The following PGGHG variants were observed in gnomAD, a reference collection of about 807,000 sequenced individuals.
PGGHG encodes the protein ATH1, acid trehalase-like 1.
A neutral mutation model predicts 74.5 loss-of-function variants in PGGHG; 67 were observed. The observed-to-expected ratio is 0.90, with a 90% CI of 0.74 to 1.10. The LOEUF (loss-of-function observed/expected upper bound fraction) is 1.10. Among genes scored for constraint, PGGHG ranks in the 50% least tolerant of loss-of-function variants. The pLI, the probability that PGGHG is intolerant of heterozygous loss-of-function variation, is 0.00. For missense variants in PGGHG, 1,034 were observed against 981.5 expected (o/e 1.05, Z -0.72); for synonymous variants, 496 against 419.9 (o/e 1.18, Z -2.21).
At position 292,648 on chromosome 11, in the gene PGGHG, G is replaced by T. The variant is rs753557852; in HGVS notation, c.1129G>T (p.Ala377Ser). ...EVHVNGAVVL[A>S]FELYYHTTQD... is the part of the protein sequence containing the mutation. Reference sequence around the variant, plus strand: ...CCACGTCAACGGGGCCGTGGTGTTGGCCTTCGAGCTGTACTACCATACCAC... The same window carrying T: ...CCACGTCAACGGGGCCGTGGTGTTGTCCTTCGAGCTGTACTACCATACCAC... Residue 377 changes from alanine to serine, a missense_variant, in exon 6 of 14, where the codon GCC becomes TCC. Coordinates refer to ENST00000409548, the MANE Select transcript of PGGHG (RefSeq NM_025092.5). 3.7e-6 allele frequency: 6 copies of T among 1,613,802 alleles called. No individual in the cohort carries two copies. The South Asian group carries it at 6.6e-5, about 18-fold the overall frequency.
chr11:292,470 G>A, intron 5 of PGGHG, 76 bp from the exon 6 acceptor site: 2 of 1,571,286 alleles, frequency 1.3e-6, no homozygotes, highest in South Asian at 1.1e-5. Flanking sequence ...CCTCCTCCAG[G>A]GCGAGGGCAC....
In PGGHG at chr11:290,452, C is replaced by T. The variant is rs772153637; in HGVS notation, c.322C>T (p.Arg108Cys). 6 of 1,549,392 alleles carry T rather than the reference C, an allele frequency of 3.9e-6. No individual in the cohort carries two copies. The highest frequency in any genetic ancestry group is 2.7e-5 in the African/African-American group (2 of 73,002). ...FRASQCIYAH[R>C]TLPHVLAFRV... ...GGCCTCCCAGTGCATCTATGCGCAT[C>T]GCACGCTGCCCCACGTGCTGGCTTT... The change falls in exon 3 of 14, where the codon CGC (arginine) becomes TGC (cysteine). Residue 108 changes from arginine (R) to cysteine (C), a missense_variant. Transcript: ENST00000409548.
At chr11:292,774 A>G in intron 6 of PGGHG, 97 bp downstream of exon 6, 1 of 1,607,106 alleles carries the variant, frequency 6.2e-7, no homozygotes. Context: ...GGTCCTGGGA[A>G]GCTGGCTGAG....
chr11:293,174 C>G lies in PGGHG; in HGVS notation c.1282C>G (p.Pro428Ala). ...ACTTGTGTGTCCAGGAGTCATGTCC[C>G]CCGACGAGTACCATTCAGGGGTCAA... ...EKYHLRGVMS[P>A]DEYHSGVNNS... Residue 428 changes from proline to alanine, a missense_variant, in exon 8 of 14, where the codon CCC becomes GCC. Transcript: ENST00000409548. 6.2e-7 allele frequency: 1 copy of G among 1,613,904 alleles called. No homozygotes were observed. The highest frequency in any genetic ancestry group is 8.5e-7 in the Non-Finnish European group (1 of 1,180,000).
chr11:295,015 A>C lies in PGGHG; in HGVS notation c.*266A>C. ...TGATGCTATCGCGCACCGTCCCACG[A>C]CCCCACCCCGAGCTCCTGAAGCCGG... On this transcript the variant is annotated 3_prime_UTR_variant, in exon 14 of 14. Coordinates refer to ENST00000409548, the MANE Select transcript of PGGHG (RefSeq NM_025092.5). The C allele has an allele frequency of 2.8e-6, 1 of 351,392 alleles. No homozygotes were observed. The highest frequency in any genetic ancestry group is 1.0e-4 in the South Asian group (1 of 9,868). The allele number at this position is 351,392 out of a possible 1,614,324, so 21.8% of individuals were successfully genotyped here.
chr11:293,722 A>T lies in PGGHG; in HGVS notation c.1609A>T (p.Thr537Ser). 6.2e-7 allele frequency: 1 copy of T among 1,613,312 alleles called. No individual in the cohort carries two copies. ...GACGTCCCCCCAGGGCCCCGCCATGACCTGGGTGAGCACCCTGGGGCTGTG... is the reference window on the plus strand; with the variant it reads ...GACGTCCCCCCAGGGCCCCGCCATGTCCTGGGTGAGCACCCTGGGGCTGTG... Reference protein sequence around the residue: ...AVTSPQGPAMTWSMFAVGWME... With the variant: ...AVTSPQGPAMSWSMFAVGWME... The change falls in exon 10 of 14, where the codon ACC (threonine) becomes TCC (serine). Residue 537 changes from threonine to serine, a missense_variant. By Grantham distance (58) the Thr-to-Ser change is moderately conservative. Coordinates refer to ENST00000409548, the MANE Select transcript of PGGHG (RefSeq NM_025092.5).
chr11:289,643 C>T lies in PGGHG; in HGVS notation c.-13-161C>T. 1.1e-6 allele frequency: 1 copy of T among 894,270 alleles called. No individual in the cohort carries two copies. The highest frequency in any genetic ancestry group is 1.6e-6 in the Non-Finnish European group (1 of 608,652). 55.4% of individuals were successfully genotyped at this position (894,270 alleles called of 1,614,324 possible). ...CCCCTCTGAGAGTCGAGCTCCTTTC[C>T]TGCGAGGCCCCGTCTAGGAGGGGCC... On this transcript the variant is annotated intron_variant, in intron 1 of 13. Coordinates refer to ENST00000409548, the MANE Select transcript of PGGHG (RefSeq NM_025092.5). The surrounding 1 kb of genome is among the most constrained non-coding windows in gnomAD (Gnocchi z 5.6).
Position 289,564 on chromosome 11 carries a change from A to G in PGGHG, c.-13-240A>G. 1.8e-6 allele frequency: 1 copy of G among 555,316 alleles called. No individual in the cohort carries two copies. Among genetic ancestry groups the G allele is most frequent in the Non-Finnish European group, 3.2e-6 (1 of 316,642 alleles). The allele number at this position is 555,316 out of a possible 1,614,324, so 34.4% of individuals were successfully genotyped here. A position where few individuals can be genotyped will look rare whatever the true frequency, so the allele number is the denominator to read the frequency against. On this transcript the variant is annotated intron_variant, in intron 1 of 13. Transcript: ENST00000409548. The surrounding 1 kb of genome is among the most constrained non-coding windows in gnomAD (Gnocchi z 5.6). ...GGAATTCTAAGGTAGCAGGAGGGAG[A>G]GACACACTCAGGGGCTCAGCTGGGT...
chr11:291,551 A>ATC, intron 4 of PGGHG: 1 of 259,124 alleles, frequency 3.9e-6, no homozygotes, highest in South Asian at 5.5e-5. Context: ...GAGGGCACAG[A>ATC]GCGGAGGGGC....
In PGGHG at chr11:292,106, C is replaced by G. The variant is rs375841341; in HGVS notation, c.1026+11C>G. The G allele has an allele frequency of 2.8e-4, 434 of 1,545,790 alleles. No individual in the cohort carries two copies. The highest frequency in any genetic ancestry group is 3.6e-4 in the Non-Finnish European group (410 of 1,145,572). On this transcript the variant is annotated intron_variant, in intron 5 of 13. Transcript: ENST00000409548. ...AACCTGGGCTACCAGGTGAGGGGACCTGGGGCACTGGCCCGTAGGGCCCTG... is the reference window on the plus strand; with the variant it reads ...AACCTGGGCTACCAGGTGAGGGGACGTGGGGCACTGGCCCGTAGGGCCCTG...
chr11:292,543 CAG>C lies in PGGHG; in HGVS notation c.1027-2_1027-1del. 1 of 1,613,146 alleles carries C rather than the reference CAG, an allele frequency of 6.2e-7. No homozygotes were observed. The highest frequency in any genetic ancestry group is 8.5e-7 in the Non-Finnish European group (1 of 1,179,810). ...TCAAGTCTGCCCCCTCCCAACCCCT[CAG>C]GGAGCCAAGTTTGCCTGGGAGAGTG... On this transcript the variant is annotated splice_acceptor_variant, in intron 5 of 13. Coordinates refer to ENST00000409548, the MANE Select transcript of PGGHG (RefSeq NM_025092.5). LOFTEE classifies it high-confidence loss of function.
intron 3 of PGGHG, 22 bp from the exon 4 acceptor site, chr11:290,656 A>T (rs1253619983): frequency 6.2e-7 from 1 of 1,609,904 alleles, no homozygotes. Flanking sequence ...CTCATCCCTG[A>T]GGCATGGCCA....
rs991376085 is a variant in PGGHG at position 295,002 on chromosome 11, G to T, written c.*253G>T. On this transcript the variant is annotated 3_prime_UTR_variant, in exon 14 of 14. Coordinates refer to ENST00000409548, the MANE Select transcript of PGGHG (RefSeq NM_025092.5). ...TGCCCCTGTGGACTGATGCTATCGC[G>T]CACCGTCCCACGACCCCACCCCGAG... The T allele has an allele frequency of 2.3e-5, 10 of 429,168 alleles. No individual in the cohort carries two copies. Among genetic ancestry groups the T allele is most frequent in the Non-Finnish European group, 4.1e-5 (10 of 244,084 alleles). 26.6% of individuals were successfully genotyped at this position (429,168 alleles called of 1,614,324 possible).
At chr11:294,507 C>T (rs779456723) in intron 13 of PGGHG, 29 bp downstream of exon 13, 1 of 303,876 alleles carries the variant, frequency 3.3e-6, no homozygotes. Context: ...GCCCAGGTGC[C>T]TGCGACCCCA....
intron 4 of PGGHG, chr11:291,538 G>A (rs1194654597): frequency 2.4e-5 from 6 of 247,056 alleles, no homozygotes; most frequent in Non-Finnish European, 3.9e-5. Flanking sequence ...TGACGGGGAC[G>A]CTGAGGGCAC....
rs866971371 is a variant in PGGHG at position 292,490 on chromosome 11, G to A, written c.1027-56G>A. 43 of 1,595,296 alleles carry A rather than the reference G, an allele frequency of 2.7e-5. No homozygotes were observed. In the Middle Eastern group the frequency reaches 2.0e-3, roughly 75 times the overall value. ...TCCAGGGCGAGGGCACGGGAAAGTT[G>A]GGGGGCCACCGCTCCCCTCCAACAA... On this transcript the variant is annotated intron_variant, in intron 5 of 13. Coordinates refer to ENST00000409548, the MANE Select transcript of PGGHG (RefSeq NM_025092.5).
rs758795697 is a variant in PGGHG at position 293,248 on chromosome 11, A to T, written c.1343+13A>T. On this transcript the variant is annotated intron_variant, in intron 8 of 13. Coordinates refer to ENST00000409548, the MANE Select transcript of PGGHG (RefSeq NM_025092.5). ...TGGTCCAGAACAGGTCAGACACAAG[A>T]TCCCCTCACCTCACCCCACCCCCGC... The T allele has an allele frequency of 5.0e-6, 8 of 1,611,298 alleles. No homozygotes were observed. Among genetic ancestry groups the T allele is most frequent in the Non-Finnish European group, 6.8e-6 (8 of 1,179,054 alleles).
At position 290,951 on chromosome 11, in the gene PGGHG, G is replaced by A. The variant is rs751170554; in HGVS notation, c.744G>A (p.Gly248=). The change falls in exon 4 of 14, where the codon GGG becomes GGA. Residue 248 remains glycine (G), a synonymous_variant. Coordinates refer to ENST00000409548, the MANE Select transcript of PGGHG (RefSeq NM_025092.5). Reference sequence around the variant, plus strand: ...TAGAATGTGGCTTGGACGTGGTGGGGCCCCTGCAGCTGCGCCAGGCCCTGC... The same window carrying A: ...TAGAATGTGGCTTGGACGTGGTGGGACCCCTGCAGCTGCGCCAGGCCCTGC... ...LWVECGLDVV[G]PLQLRQALRG... is the part of the protein sequence containing the mutation. 1.3e-4 allele frequency: 209 copies of A among 1,612,232 alleles called. No homozygotes were observed. Among genetic ancestry groups the A allele is most frequent in the Non-Finnish European group, 1.7e-4 (199 of 1,179,730 alleles).
intron 5 of PGGHG, 127 bp downstream of exon 5, chr11:292,222 C>T (rs1042396805): frequency 2.2e-5 from 29 of 1,336,658 alleles, no homozygotes; most frequent in Admixed American, 2.9e-5. Flanking sequence ...GATTCCCCAC[C>T]CTGAGGCTTG....
Sources: gnomAD v4.1 joint callset for allele counts on GRCh38, gnomAD v4.1.1 for gene constraint, Gnocchi (gnomAD v3.1) non-coding constraint, MANE v1.5 for transcripts, NCBI Gene and HGNC (gene_info 2026-07-23, HGNC 2026-07-21) for gene names.